Variants in DNTTIP2 observed in about 807,000 individuals in gnomAD.
The protein encoded by DNTTIP2 is deoxynucleotidyltransferase terminal interacting protein 2.
A neutral mutation model predicts 62.4 loss-of-function variants in DNTTIP2; 47 were observed. The observed-to-expected ratio is 0.75, with a 90% CI of 0.60 to 0.96. The LOEUF (loss-of-function observed/expected upper bound fraction) is 0.96, where lower values mean the gene tolerates loss of function less well. Ranked by LOEUF, DNTTIP2 falls within the 40% of genes least tolerant of loss-of-function variation. The pLI is 0.00. For missense variants in DNTTIP2, 870 were observed against 849.1 expected (o/e 1.02, Z -0.31); for synonymous variants, 322 against 300.9 (o/e 1.07, Z -0.73).
chr1:93,874,674 A>C (rs531436268), intron 3 of DNTTIP2, among the ~76,000 whole-genome samples: 1 of 152,198 alleles, frequency 6.6e-6, no homozygotes, highest in East Asian at 1.9e-4. Context: ...TGGGGCAGGG[A>C]GGAGAGATGT....
At chr1:93,876,208 G>C (rs766174177) in intron 2 of DNTTIP2, 60 bp downstream of exon 2, 1 of 1,277,942 alleles carries the variant, frequency 7.8e-7, no homozygotes, top group African/African-American at 2.6e-5. Context: ...TATTTTTATG[G>C]TAAATTAACC....
At position 93,869,344 on chromosome 1, in the gene DNTTIP2, A is replaced by AT. The variant is rs1655796442; in HGVS notation, c.*506dup. The AT allele has an allele frequency of 2.6e-5, 4 of 152,422 alleles. No individual in the cohort carries two copies. The South Asian group carries it at 6.2e-4, about 24-fold the overall frequency. 9.4% of individuals were successfully genotyped at this position (152,422 alleles called of 1,614,324 possible). On this transcript the variant is annotated 3_prime_UTR_variant, in exon 7 of 7. Transcript: ENST00000436063. ...CCAAGCTTTCTAGGTCATATTCTTC[A>AT]TATCTTTGTATCCCAACTTTCTGGA...
In DNTTIP2 at chr1:93,876,586, C is replaced by T. The variant is rs920898601; in HGVS notation, c.1349G>A (p.Ser450Asn). The T allele has an allele frequency of 1.3e-5, 21 of 1,613,902 alleles. No homozygotes were observed. Among genetic ancestry groups the T allele is most frequent in the Non-Finnish European group, 1.8e-5 (21 of 1,179,898 alleles). Residue 450 changes from serine to asparagine, a missense_variant, in exon 2 of 7, where the codon AGC becomes AAC. Physicochemically the swap from Ser to Asn is conservative, Grantham distance 46 (BLOSUM62 1). Transcript: ENST00000436063. The part of the protein sequence containing the change: ...SVLLVLSSDE[S>N]QQSENSENEE... ...ATTCTCACTGTTTTCAGACTGTTGGCTTTCATCACTGCTGAGAACTAGTAA... is the reference window on the plus strand; with the variant it reads ...ATTCTCACTGTTTTCAGACTGTTGGTTTTCATCACTGCTGAGAACTAGTAA...
rs1655875413 is a variant in DNTTIP2 at position 93,872,052 on chromosome 1, CTA to C, written c.2067+18_2067+19del. 3 of 1,612,864 alleles carry C rather than the reference CTA, an allele frequency of 1.9e-6. No homozygotes were observed. The highest frequency in any genetic ancestry group is 3.3e-5 in the Admixed American group (2 of 59,908). On this transcript the variant is annotated intron_variant, in intron 5 of 6. Transcript: ENST00000436063. ...AACTAAAATTCACAGATCATCACCA[CTA>C]TTCTGTTTGCTTCATACCTGGAAGT...
At chr1:93,874,316 A>C in intron 3 of DNTTIP2, among the ~76,000 whole-genome samples, 1 of 152,284 alleles carries the variant, frequency 6.6e-6, no homozygotes, top group Non-Finnish European at 1.5e-5. Context: ...GGAACATCTC[A>C]CAACAAAATT....
chr1:93,875,910 T>TG, intron 2 of DNTTIP2, 127 bp from the exon 3 acceptor site: 1 of 952,408 alleles, frequency 1.0e-6, no homozygotes. Flanking sequence ...AAAAAAAGCA[T>TG]CTTATTTTTA....
chr1:93,866,481 T>C lies in DNTTIP2; in HGVS notation c.*3370A>G, dbSNP rs1655727721. The C allele has an allele frequency of 6.6e-6, 1 of 152,234 alleles. No homozygotes were observed. Among genetic ancestry groups the C allele is most frequent in the East Asian group, 1.9e-4 (1 of 5,202 alleles). The allele number at this position is 152,234 out of a possible 1,614,324, so 9.4% of individuals were successfully genotyped here. A position where few individuals can be genotyped will look rare whatever the true frequency, so the allele number is the denominator to read the frequency against. ...ATTGTAGGTAATTATTCTGAACAAG[T>C]TGTCACTGCCTGAGAGACTGAATAC... On this transcript the variant is annotated 3_prime_UTR_variant, in exon 7 of 7. Coordinates refer to ENST00000436063, the MANE Select transcript of DNTTIP2 (RefSeq NM_014597.5).
rs780105297 is a variant in DNTTIP2, at chr1:93,877,298, G to A, written c.637C>T (p.Gln213Ter). 1.2e-6 allele frequency: 2 copies of A among 1,613,502 alleles called. No individual in the cohort carries two copies. Among genetic ancestry groups the A allele is most frequent in the South Asian group, 2.2e-5 (2 of 91,022 alleles). The change falls in exon 2 of 7, where the codon CAA becomes TAA. Residue 213 changes from glutamine (Q) to a stop codon, truncating the protein, a stop_gained. Coordinates refer to ENST00000436063, the MANE Select transcript of DNTTIP2 (RefSeq NM_014597.5). LOFTEE classifies it high-confidence loss of function. The part of the protein sequence containing the change: ...TRSMQRKLKA[Q>*]TEKKDSKIVP... ...ATCTTACTATCTTTCTTTTCAGTTTGTGCCTTTAATTTCCTCTGCATACTC... is the reference window on the plus strand; with the variant it reads ...ATCTTACTATCTTTCTTTTCAGTTTATGCCTTTAATTTCCTCTGCATACTC...
intron 5 of DNTTIP2, among the ~76,000 whole-genome samples, 159 bp downstream of exon 5, chr1:93,871,913 G>C (rs917096777): frequency 6.6e-6 from 1 of 152,128 alleles, no homozygotes; most frequent in African/African-American, 2.4e-5. Context: ...GGCTGAATTG[G>C]GTAATGGCCA....
At position 93,876,982 on chromosome 1, in the gene DNTTIP2, G is replaced by C; in HGVS notation, c.953C>G (p.Ser318Cys). Reference protein sequence around the residue: ...DEGKEINEKSSQLKNLSELQD... With the variant: ...DEGKEINEKSCQLKNLSELQD... ...AAGTTCAGAAAGATTCTTCAGCTGA[G>C]AACTTTTCTCATTAATTTCTTTCCC... Residue 318 changes from serine to cysteine, a missense_variant, in exon 2 of 7, where the codon TCT becomes TGT. Coordinates refer to ENST00000436063, the MANE Select transcript of DNTTIP2 (RefSeq NM_014597.5). The C allele has an allele frequency of 6.2e-7, 1 of 1,612,932 alleles. No individual in the cohort carries two copies. The highest frequency in any genetic ancestry group is 8.5e-7 in the Non-Finnish European group (1 of 1,179,698).
In DNTTIP2 at chr1:93,877,841, G is replaced by C; in HGVS notation, c.94C>G (p.Gln32Glu). 6.2e-7 allele frequency: 1 copy of C among 1,601,382 alleles called. No homozygotes were observed. The highest frequency in any genetic ancestry group is 8.5e-7 in the Non-Finnish European group (1 of 1,179,632). ...CCAGTACTACTTTCTGGATGCGCTT[G>C]AATCCCATTAGCAGCAAAACTCTGC... ...GQKSFAANGIQAHPESSTGSD... is the reference protein window; with the variant it reads ...GQKSFAANGIEAHPESSTGSD... Residue 32 changes from glutamine (Q) to glutamate (E), a missense_variant, in exon 2 of 7, where the codon CAA becomes GAA. Physicochemically the swap from Gln to Glu is conservative, Grantham distance 29. Coordinates refer to ENST00000436063, the MANE Select transcript of DNTTIP2 (RefSeq NM_014597.5).
chr1:93,875,276 T>C (rs1655971785), intron 3 of DNTTIP2, among the ~76,000 whole-genome samples: 1 of 152,246 alleles, frequency 6.6e-6, no homozygotes, highest in Non-Finnish European at 1.5e-5. Flanking sequence ...TATATGCACA[T>C]GTGCATTTTT....
chr1:93,875,601 T>C, intron 3 of DNTTIP2, 44 bp downstream of exon 3: 1 of 1,566,652 alleles, frequency 6.4e-7, no homozygotes, highest in South Asian at 1.3e-5. Flanking sequence ...TTTCTAAAAG[T>C]GATTGGTTAG....
intron 1 of DNTTIP2, 52 bp downstream of exon 1, chr1:93,879,025 C>A (rs1656086796): frequency 6.2e-7 from 1 of 1,605,626 alleles, no homozygotes; most frequent in Admixed American, 1.7e-5. Context: ...CCCCGCCTGC[C>A]TGAGCGCGGC....
rs1304480872 is a variant in DNTTIP2 at position 93,869,045 on chromosome 1, AAT to A, written c.*804_*805del. On this transcript the variant is annotated 3_prime_UTR_variant, in exon 7 of 7. Transcript: ENST00000436063. ...TCTCAAGGAAGCAGTATGCTGGAAA[AAT>A]AGAGGTAAAGTGAATAGTAACATAA... The A allele has an allele frequency of 2.0e-5, 3 of 152,204 alleles. No individual in the cohort carries two copies. The highest frequency in any genetic ancestry group is 7.2e-5 in the African/African-American group (3 of 41,448). The allele number at this position is 152,204 out of a possible 1,614,324, so 9.4% of individuals were successfully genotyped here. A position where few individuals can be genotyped will look rare whatever the true frequency, so the allele number is the denominator to read the frequency against.
intron 6 of DNTTIP2, among the ~76,000 whole-genome samples, chr1:93,870,228 A>AT: frequency 6.6e-6 from 1 of 152,310 alleles, no homozygotes; most frequent in East Asian, 1.9e-4. Context: ...TTTTTGAGGG[A>AT]TAAAAACACA....
At position 93,876,360 on chromosome 1, in the gene DNTTIP2, ATCCTCT is replaced by A. The variant is rs780013261; in HGVS notation, c.1569_1574del (p.Glu523_Glu524del). On this transcript the variant is annotated inframe_deletion, in exon 2 of 7. Transcript: ENST00000436063. ...CTGATGAATCTTCTTCACTTTTTTC[ATCCTCT>A]TCCTCTTCTTTTTCTTCCTCAATGG... 17 of 1,561,490 alleles carry A rather than the reference ATCCTCT, an allele frequency of 1.1e-5. No homozygotes were observed. The highest frequency in any genetic ancestry group is 8.2e-5 in the African/African-American group (6 of 73,300).
chr1:93,871,665 A>G (rs769772133), intron 5 of DNTTIP2, among the ~76,000 whole-genome samples: 4 of 152,208 alleles, frequency 2.6e-5, no homozygotes, highest in Non-Finnish European at 4.4e-5. Flanking sequence ...CTATGTCATA[A>G]TTCATCACTG....
rs753750694 is a variant in DNTTIP2 at position 93,876,388 on chromosome 1, A to T, written c.1547T>A (p.Ile516Asn). The T allele has an allele frequency of 4.4e-6, 7 of 1,596,232 alleles. No individual in the cohort carries two copies. In the East Asian group the frequency reaches 1.3e-4, roughly 31 times the overall value. Residue 516 changes from isoleucine to asparagine, a missense_variant, in exon 2 of 7, where the codon ATT becomes AAT. Coordinates refer to ENST00000436063, the MANE Select transcript of DNTTIP2 (RefSeq NM_014597.5). ...EEEDKASEVAIEEEKEEEEDE... is the reference protein window; with the variant it reads ...EEEDKASEVANEEEKEEEEDE... ...CTCTTCCTCTTCTTTTTCTTCCTCA[A>T]TGGCAACCTCACTTGCCTTGTCTTC...
Sources: gnomAD v4.1 joint callset for allele counts (sites outside exome capture counted in the v4.1 genomes callset) on GRCh38, gnomAD v4.1.1 for gene constraint, MANE v1.5 for transcripts, NCBI Gene and HGNC (gene_info 2026-07-23, HGNC 2026-07-21) for gene names.